Variants in EYS observed in about 807,000 individuals in gnomAD.
The protein encoded by EYS is EGF-like photoreceptor maintenance factor.
EYS carries 250 observed loss-of-function variants against 282.1 expected under a neutral mutation model. That is an observed-to-expected ratio of 0.89 (90% CI 0.80 to 0.98). The LOEUF (loss-of-function observed/expected upper bound fraction) is 0.98. Among genes scored for constraint, EYS ranks in the 50% least tolerant of loss-of-function variants. The pLI is 0.00. For synonymous variants in EYS, 1,355 were observed against 1,282.9 expected (o/e 1.06, Z -1.20); for missense variants, 4,016 against 3,709.0 (o/e 1.08, Z -2.15).
At chr6:63,940,670 C>T (rs548112188) in intron 35 of EYS, among the ~76,000 whole-genome samples, 105 of 149,976 alleles carry the variant, frequency 7.0e-4, no homozygotes, top group African/African-American at 2.5e-3. Context: ...TGCCTGAATA[C>T]GTTTTTTTTT....
chr6:64,759,845 G>C (rs1172580262), intron 22 of EYS, among the ~76,000 whole-genome samples: 1 of 151,944 alleles, frequency 6.6e-6, no homozygotes, highest in Non-Finnish European at 1.5e-5. Context: ...TGTCTAACAG[G>C]ACAACATATT....
chr6:65,182,351 T>C (rs1765409613), intron 12 of EYS, among the ~76,000 whole-genome samples: 1 of 151,606 alleles, frequency 6.6e-6, no homozygotes, highest in African/African-American at 2.4e-5. Flanking sequence ...TAAATCTTTA[T>C]ATTTTTCCAG....
At chr6:64,906,198 C>G (rs1486079636) in intron 16 of EYS, among the ~76,000 whole-genome samples, 2 of 150,782 alleles carry the variant, frequency 1.3e-5, no homozygotes, top group Admixed American at 1.3e-4. Context: ...ACTTTAAAAA[C>G]TATGAAATAT....
intron 13 of EYS, among the ~76,000 whole-genome samples, chr6:65,020,046 C>T (rs983087152): frequency 2.0e-5 from 3 of 152,130 alleles, no homozygotes; most frequent in Non-Finnish European, 4.4e-5. Context: ...CCTCTCACAA[C>T]ACATGGGGAT....
intron 26 of EYS, among the ~76,000 whole-genome samples, chr6:64,472,234 A>T (rs1308645733): frequency 1.3e-5 from 2 of 152,220 alleles, no homozygotes; most frequent in East Asian, 3.8e-4. Flanking sequence ...GGCCAAGTAA[A>T]TATGGTCCTG....
chr6:65,549,294 A>G (rs561536983), intron 2 of EYS, among the ~76,000 whole-genome samples: 11 of 151,712 alleles, frequency 7.3e-5, no homozygotes, highest in Admixed American at 3.3e-4. Context: ...ACATAAAGCT[A>G]TATCACCAAA....
chr6:63,904,695 C>T (rs143081063), intron 35 of EYS, among the ~76,000 whole-genome samples: 71 of 152,266 alleles, frequency 4.7e-4, no homozygotes, highest in South Asian at 1.5e-3. Context: ...CATGGAAAGA[C>T]GAGCCTCAGG....
intron 36 of EYS, among the ~76,000 whole-genome samples, chr6:63,808,663 C>A (rs572711114): frequency 5.3e-5 from 8 of 152,192 alleles, no homozygotes; most frequent in African/African-American, 1.2e-4. Flanking sequence ...TTTTTACTAT[C>A]AAAAATAAGT....
intron 12 of EYS, among the ~76,000 whole-genome samples, chr6:65,274,697 C>T (rs753399868): frequency 1.3e-5 from 2 of 152,082 alleles, no homozygotes; most frequent in Non-Finnish European, 2.9e-5. Flanking sequence ...ACACTGATAA[C>T]ATTATGTTAA....
At chr6:64,179,930 A>G (rs1764741657) in intron 31 of EYS, among the ~76,000 whole-genome samples, 1 of 152,150 alleles carries the variant, frequency 6.6e-6, no homozygotes, top group African/African-American at 2.4e-5. Flanking sequence ...TGAAGTGGAA[A>G]GTGGAGAGAG....
chr6:64,310,251 A>T (rs1003265122), intron 29 of EYS, among the ~76,000 whole-genome samples: 1 of 152,170 alleles, frequency 6.6e-6, no homozygotes, highest in Non-Finnish European at 1.5e-5. Flanking sequence ...CCAAAGGAAT[A>T]TAAATCATTC....
At chr6:64,503,447 A>G (rs1411451387) in intron 26 of EYS, among the ~76,000 whole-genome samples, 1 of 152,184 alleles carries the variant, frequency 6.6e-6, no homozygotes, top group Non-Finnish European at 1.5e-5. Flanking sequence ...TCTTGTTTTT[A>G]AGCTTTTTTA....
intron 31 of EYS, among the ~76,000 whole-genome samples, chr6:64,188,269 CAA>C (rs1765003864): frequency 6.6e-6 from 1 of 151,952 alleles, no homozygotes; most frequent in South Asian, 2.1e-4. Context: ...GGTTTTAGCT[CAA>C]AGAAAATTTG....
At chr6:65,220,862 G>A (rs748427254) in intron 12 of EYS, among the ~76,000 whole-genome samples, 1 of 152,054 alleles carries the variant, frequency 6.6e-6, no homozygotes, top group Non-Finnish European at 1.5e-5. Context: ...GCTTTGAGAT[G>A]GAGATGAGGA....
chr6:63,894,217 G>A (rs1773476823), intron 35 of EYS, among the ~76,000 whole-genome samples: 1 of 152,234 alleles, frequency 6.6e-6, no homozygotes, highest in African/African-American at 2.4e-5. Flanking sequence ...CCCAGAACTT[G>A]TAACTGTGAC....
At chr6:65,379,983 G>A (rs1456460963) in intron 8 of EYS, among the ~76,000 whole-genome samples, 1 of 151,714 alleles carries the variant, frequency 6.6e-6, no homozygotes, top group Admixed American at 6.6e-5. Flanking sequence ...CAAACAAATG[G>A]AAAAAAACAT....
intron 2 of EYS, among the ~76,000 whole-genome samples, chr6:65,541,498 A>G: frequency 6.6e-6 from 1 of 152,214 alleles, no homozygotes; most frequent in East Asian, 1.9e-4. Context: ...TCAAAATCAC[A>G]ACAATGTTAT....
At chr6:64,085,931 G>A (rs1772142588) in intron 31 of EYS, among the ~76,000 whole-genome samples, 1 of 152,150 alleles carries the variant, frequency 6.6e-6, no homozygotes, top group African/African-American at 2.4e-5. Context: ...GAGCACTGAT[G>A]CCTAGAAATC....
intron 30 of EYS, among the ~76,000 whole-genome samples, chr6:64,274,481 G>GTTTTTTTTTTTTTT (rs10640761): frequency 6.5e-5 from 6 of 92,230 alleles, no homozygotes; most frequent in African/African-American, 2.8e-4. Context: ...ACGCCTGGCC[G>GTTTTTTTTTTTTTT]TTTTTTTTTT....
Sources: gnomAD v4.1 joint callset for allele counts (sites outside exome capture counted in the v4.1 genomes callset) on GRCh38, gnomAD v4.1.1 for gene constraint, MANE v1.5 for transcripts, NCBI Gene and HGNC (gene_info 2026-07-23, HGNC 2026-07-21) for gene names.